The following METTL15 variants were observed in gnomAD, a reference collection of about 807,000 sequenced individuals.
METTL15 encodes the protein methyltransferase 15, mitochondrial 12S rRNA N4-cytidine.
Under a neutral mutation model 38.3 loss-of-function variants are expected in METTL15, and 34 were observed. The observed-to-expected ratio is 0.89, with a 90% CI of 0.68 to 1.18. METTL15 has a LOEUF of 1.18. METTL15 is among the 50% of genes most tolerant of loss of function. METTL15 has a pLI of 0.00. For synonymous variants in METTL15, 162 were observed against 170.9 expected (o/e 0.95, Z 0.41); for missense variants, 438 against 498.4 (o/e 0.88, Z 1.15).
At chr11:28,137,350 C>T (rs1287265424) in intron 3 of METTL15, among the ~76,000 whole-genome samples, 1 of 152,142 alleles carries the variant, frequency 6.6e-6, no homozygotes, top group Non-Finnish European at 1.5e-5. Context: ...ACTCCCATGC[C>T]TTCTGATAAT....
At chr11:28,269,880 T>A (rs765022981) in intron 4 of METTL15, among the ~76,000 whole-genome samples, 2 of 152,236 alleles carry the variant, frequency 1.3e-5, no homozygotes, top group Non-Finnish European at 2.9e-5. Flanking sequence ...TTAAATTGGA[T>A]CTGATGGGAC....
chr11:28,162,708 A>G (rs975625205), intron 3 of METTL15, among the ~76,000 whole-genome samples: 4 of 152,124 alleles, frequency 2.6e-5, no homozygotes, highest in Non-Finnish European at 5.9e-5. Flanking sequence ...GTTGGGCAAA[A>G]TCATCAAACA....
chr11:28,380,766 G>C (rs377191712), intron 5 of METTL15, among the ~76,000 whole-genome samples: 4 of 152,048 alleles, frequency 2.6e-5, no homozygotes, highest in African/African-American at 7.2e-5. Context: ...ACAAATGTTC[G>C]TCTAGGAGAA....
At chr11:28,429,698 G>A (rs571606113) in intron 6 of METTL15, among the ~76,000 whole-genome samples, 1 of 48,068 alleles carries the variant, frequency 2.1e-5, no homozygotes, top group African/African-American at 8.5e-5. Flanking sequence ...GCGTGATCTC[G>A]GCTCACTACA....
intron 4 of METTL15, among the ~76,000 whole-genome samples, chr11:28,278,665 C>T (rs190706165): frequency 6.6e-6 from 1 of 152,200 alleles, no homozygotes; most frequent in Non-Finnish European, 1.5e-5. Context: ...CCTTACCTCT[C>T]TCTTGTCTTC....
At chr11:28,281,948 A>G (rs1856071505) in intron 4 of METTL15, among the ~76,000 whole-genome samples, 1 of 152,220 alleles carries the variant, frequency 6.6e-6, no homozygotes. Context: ...GAGTGAGAGA[A>G]ATATAATTGT....
intron 6 of METTL15, among the ~76,000 whole-genome samples, chr11:28,492,700 A>G (rs928819140): frequency 3.3e-5 from 5 of 152,146 alleles, no homozygotes; most frequent in African/African-American, 1.2e-4. Flanking sequence ...GAGTGCATTT[A>G]CAGCGTTTGT....
chr11:28,249,668 A>G (rs921139440), intron 4 of METTL15, among the ~76,000 whole-genome samples: 6 of 151,880 alleles, frequency 4.0e-5, no homozygotes, highest in African/African-American at 1.5e-4. Flanking sequence ...CTGTCACCCT[A>G]TTACACAGAT....
At chr11:28,175,661 G>A (rs140710576) in intron 3 of METTL15, among the ~76,000 whole-genome samples, 108 of 152,202 alleles carry the variant, frequency 7.1e-4, no homozygotes, top group African/African-American at 2.3e-3. Context: ...TAATTTGCCA[G>A]AGTCAAAAAT....
chr11:28,486,161 T>C (rs776685448), intron 6 of METTL15, among the ~76,000 whole-genome samples: 3 of 152,124 alleles, frequency 2.0e-5, no homozygotes, highest in Non-Finnish European at 4.4e-5. Context: ...GAGGTGGTAA[T>C]AAACTTGTCC....
chr11:28,486,653 T>C (rs1237677251), intron 6 of METTL15, among the ~76,000 whole-genome samples: 1 of 152,340 alleles, frequency 6.6e-6, no homozygotes. Context: ...AACCTCTCAT[T>C]GTCTGTAGCA....
intron 3 of METTL15, among the ~76,000 whole-genome samples, chr11:28,130,569 G>A (rs1436097447): frequency 1.3e-5 from 2 of 152,008 alleles, no homozygotes; most frequent in African/African-American, 4.8e-5. Context: ...ATTTCAGTTA[G>A]AATACGTTGA....
chr11:28,180,612 T>G (rs1435600864), intron 3 of METTL15, among the ~76,000 whole-genome samples: 4 of 151,814 alleles, frequency 2.6e-5, no homozygotes, highest in Non-Finnish European at 5.9e-5. Context: ...TCTTTGTACT[T>G]CTCTTCAACC....
chr11:28,314,665 G>A (rs544563100), intron 6 of METTL15, among the ~76,000 whole-genome samples: 21 of 152,274 alleles, frequency 1.4e-4, no homozygotes, highest in African/African-American at 5.1e-4. Flanking sequence ...TCTATGCTGA[G>A]CAAATGAAGA....
At chr11:28,208,432 C>G (rs1659392733) in intron 3 of METTL15, among the ~76,000 whole-genome samples, 1 of 152,112 alleles carries the variant, frequency 6.6e-6, no homozygotes, top group Non-Finnish European at 1.5e-5. Context: ...GAGTGAGTTT[C>G]TTAATCCTGA....
intron 4 of METTL15, among the ~76,000 whole-genome samples, chr11:28,242,679 T>A (rs1180374086): frequency 6.6e-6 from 1 of 152,172 alleles, no homozygotes; most frequent in African/African-American, 2.4e-5. Flanking sequence ...TAATTTTAAA[T>A]GATAACAACA....
At chr11:28,157,592 C>A (rs1479087984) in intron 3 of METTL15, among the ~76,000 whole-genome samples, 2 of 152,166 alleles carry the variant, frequency 1.3e-5, no homozygotes, top group African/African-American at 4.8e-5. Context: ...TATGTCATCA[C>A]CATGTGACCT....
chr11:28,237,489 A>C (rs1382964353), intron 4 of METTL15, among the ~76,000 whole-genome samples: 2 of 152,054 alleles, frequency 1.3e-5, no homozygotes, highest in African/African-American at 4.8e-5. Flanking sequence ...TGGTTATTCT[A>C]GTTATACATT....
intron 3 of METTL15, among the ~76,000 whole-genome samples, chr11:28,209,935 A>G (rs1477381652): frequency 6.6e-6 from 1 of 152,030 alleles, no homozygotes; most frequent in Non-Finnish European, 1.5e-5. Context: ...AGTCAATATT[A>G]TTAGAGTAAT....
Sources: gnomAD v4.1 joint callset for allele counts (sites outside exome capture counted in the v4.1 genomes callset) on GRCh38, gnomAD v4.1.1 for gene constraint, MANE v1.5 for transcripts, NCBI Gene and HGNC (gene_info 2026-07-23, HGNC 2026-07-21) for gene names.